The following LMX1A variants were observed in gnomAD, a reference collection of about 807,000 sequenced individuals.
LMX1A encodes the protein LIM homeobox transcription factor 1 alpha.
A neutral mutation model predicts 49.1 loss-of-function variants in LMX1A; 15 were observed. The observed-to-expected ratio is 0.31, with a 90% confidence interval of 0.20 to 0.47. The LOEUF is 0.47. Among genes scored for constraint, LMX1A ranks in the 20% least tolerant of loss-of-function variants. The pLI is 1.00. For missense variants in LMX1A, 372 were observed against 475.8 expected (o/e 0.78, Z 2.03); for synonymous variants, 167 against 185.7 (o/e 0.90, Z 0.82).
In LMX1A at chr1:165,355,142, G is replaced by C. The variant is rs1656563001; in HGVS notation, c.76+342C>G. Among the ~76,000 whole-genome samples the C allele has an allele frequency of 6.6e-6, 1 of 152,204 alleles. No homozygotes were observed. Among genetic ancestry groups the C allele is most frequent in the Non-Finnish European group, 1.5e-5 (1 of 68,048 alleles). On this transcript the variant is annotated intron_variant, in intron 2 of 8. Coordinates refer to ENST00000342310, the MANE Select transcript of LMX1A (RefSeq NM_177398.4). The surrounding 1 kb of genome is among the most constrained non-coding windows in gnomAD (Gnocchi z 4.7). The stretch of plus-strand genomic sequence containing the variant: ...TGCTATTGCCTCTAGGCCGCGAGAA[G>C]AGGGCGGCATTTATGAGACGTCGAT...
chr1:165,213,814 C>G lies in LMX1A; in HGVS notation c.497-1G>C. 6.2e-7 allele frequency: 1 copy of G among 1,613,750 alleles called. No homozygotes were observed. The highest frequency in any genetic ancestry group is 8.5e-7 in the Non-Finnish European group (1 of 1,179,916). On this transcript the variant is annotated splice_acceptor_variant, in intron 4 of 8. Transcript: ENST00000342310. LOFTEE classifies it high-confidence loss of function. ...AGACTTTCTTCATCATCACTTTTACCTGAAAGAAGCAAAAGACAATGTTGT... is the reference window on the plus strand; with the variant it reads ...AGACTTTCTTCATCATCACTTTTACGTGAAAGAAGCAAAAGACAATGTTGT...
intron 3 of LMX1A, among the ~76,000 whole-genome samples, chr1:165,331,247 T>C (rs944947614): frequency 2.6e-5 from 4 of 151,954 alleles, no homozygotes; most frequent in Non-Finnish European, 5.9e-5. Context: ...AAAAATATGT[T>C]CAAAAAAGGA....
intron 3 of LMX1A, among the ~76,000 whole-genome samples, chr1:165,305,420 G>A (rs1654893883): frequency 6.6e-6 from 1 of 152,154 alleles, no homozygotes; most frequent in African/African-American, 2.4e-5. Context: ...GCAAGCGTGA[G>A]AGGGAACAAA....
chr1:165,288,771 A>C (rs896089542), intron 3 of LMX1A, among the ~76,000 whole-genome samples: 19 of 152,214 alleles, frequency 1.2e-4, no homozygotes, highest in Non-Finnish European at 2.5e-4. Flanking sequence ...CTGGCTATTC[A>C]AATAACCCTC....
intron 4 of LMX1A, among the ~76,000 whole-genome samples, chr1:165,225,095 C>T (rs572474513): frequency 1.3e-5 from 2 of 152,286 alleles, no homozygotes; most frequent in Admixed American, 6.5e-5. Context: ...GGAGAACATA[C>T]AATCAGCAAT....
At chr1:165,248,438 A>G (rs919726245) in intron 4 of LMX1A, among the ~76,000 whole-genome samples, 2 of 142,896 alleles carry the variant, frequency 1.4e-5, no homozygotes, top group African/African-American at 4.9e-5. Flanking sequence ...ACAGATTCCT[A>G]TGGATAAGAT....
At chr1:165,235,297 T>C (rs1334755405) in intron 4 of LMX1A, among the ~76,000 whole-genome samples, 1 of 152,140 alleles carries the variant, frequency 6.6e-6, no homozygotes, top group Non-Finnish European at 1.5e-5. Context: ...CACTAGTGCA[T>C]GTGCGAGGAG....
intron 3 of LMX1A, among the ~76,000 whole-genome samples, chr1:165,311,152 T>C (rs1655065656): frequency 6.6e-6 from 1 of 152,210 alleles, no homozygotes; most frequent in African/African-American, 2.4e-5. Flanking sequence ...CCCCTTGCTC[T>C]TCCCTAGAAA....
intron 3 of LMX1A, among the ~76,000 whole-genome samples, chr1:165,269,613 T>C (rs977647191): frequency 7.9e-5 from 12 of 152,338 alleles, no homozygotes; most frequent in African/African-American, 2.4e-4. Flanking sequence ...ATTGCAGAAC[T>C]ATTCACAATA....
intron 4 of LMX1A, among the ~76,000 whole-genome samples, chr1:165,214,179 G>C (rs1007723298): frequency 6.6e-6 from 1 of 152,150 alleles, no homozygotes; most frequent in Non-Finnish European, 1.5e-5. Context: ...TCATGGGGGC[G>C]GTTTCCCCCA....
At chr1:165,354,487 CTGGCTT>C (rs2101776713) in intron 2 of LMX1A, among the ~76,000 whole-genome samples, 1 of 152,320 alleles carries the variant, frequency 6.6e-6, no homozygotes, top group African/African-American at 2.4e-5. Context: ...ACTGCCTGCT[CTGGCTT>C]CCGCTCTCTT....
At chr1:165,262,003 T>C (rs1160908766) in intron 3 of LMX1A, among the ~76,000 whole-genome samples, 1 of 152,234 alleles carries the variant, frequency 6.6e-6, no homozygotes, top group East Asian at 1.9e-4. Context: ...CACTTAATAA[T>C]GGTTGAGATG....
At chr1:165,350,641 C>T (rs888920421) in intron 3 of LMX1A, among the ~76,000 whole-genome samples, 3 of 151,826 alleles carry the variant, frequency 2.0e-5, no homozygotes, top group African/African-American at 7.3e-5. Flanking sequence ...TATATTAAAA[C>T]CCTATTTTAT....
At chr1:165,316,994 T>C (rs764989838) in intron 3 of LMX1A, among the ~76,000 whole-genome samples, 3 of 152,114 alleles carry the variant, frequency 2.0e-5, no homozygotes, top group East Asian at 3.9e-4. Flanking sequence ...ACCCAAAAGA[T>C]AGGATTATTT....
chr1:165,244,145 G>C (rs888770584), intron 4 of LMX1A, among the ~76,000 whole-genome samples: 3 of 152,226 alleles, frequency 2.0e-5, no homozygotes, highest in Non-Finnish European at 4.4e-5. Context: ...CTGGATAGCT[G>C]AAATGTGGAG....
chr1:165,345,882 C>T (rs1225207958), intron 3 of LMX1A, among the ~76,000 whole-genome samples: 2 of 152,154 alleles, frequency 1.3e-5, no homozygotes, highest in South Asian at 2.1e-4. Flanking sequence ...AAATAAACTG[C>T]TAATTAGAAA....
chr1:165,225,961 A>G (rs1482004148), intron 4 of LMX1A, among the ~76,000 whole-genome samples: 1 of 152,186 alleles, frequency 6.6e-6, no homozygotes. Context: ...CTTTTCAACT[A>G]TTTCAACCAG....
chr1:165,326,407 G>A (rs1281742329), intron 3 of LMX1A, among the ~76,000 whole-genome samples: 1 of 152,206 alleles, frequency 6.6e-6, no homozygotes, highest in Non-Finnish European at 1.5e-5. Context: ...CCCCACAAAT[G>A]TGTTCCTCTC....
intron 3 of LMX1A, among the ~76,000 whole-genome samples, chr1:165,294,191 G>A (rs1027237100): frequency 2.0e-5 from 3 of 152,174 alleles, no homozygotes; most frequent in Non-Finnish European, 2.9e-5. Context: ...AGCCCTGCAC[G>A]GGAAGTGACC....
Sources: allele counts gnomAD v4.1 joint callset (sites outside exome capture counted in the v4.1 genomes callset), GRCh38; gene constraint gnomAD v4.1.1; non-coding constraint Gnocchi (gnomAD v3.1); transcripts MANE v1.5; gene names NCBI Gene and HGNC (gene_info 2026-07-23, HGNC 2026-07-21).